The following ANK2 variants were observed in gnomAD, a reference collection of about 807,000 sequenced individuals.
ANK2 encodes ankyrin 2, also known as ankyrin-2.
ANK2 carries 83 observed loss-of-function variants against 360.5 expected under a neutral mutation model. That is an observed-to-expected ratio of 0.23 (90% CI 0.19 to 0.28). ANK2 has a LOEUF of 0.28. Ranked by LOEUF, ANK2 falls within the 10% of genes least tolerant of loss-of-function variation. ANK2 has a pLI of 1.00. For missense variants in ANK2, 4,201 were observed against 4,795.7 expected, an observed-to-expected ratio of 0.88 and a Z score of 3.66; for synonymous variants, 1,740 against 1,759.5, an observed-to-expected ratio of 0.99 and a Z score of 0.28.
At chr4:112,769,835 C>G in the ANK2 span, among the ~76,000 whole-genome samples, 1 of 152,156 alleles carries the variant, frequency 6.6e-6, no homozygotes, top group African/African-American at 2.4e-5. Flanking sequence ...TTCCTGCCTA[C>G]TGCCTGATTG....
chr4:112,936,503 A>C (rs922899322), intron 2 of ANK2, among the ~76,000 whole-genome samples: 2 of 151,678 alleles, frequency 1.3e-5, no homozygotes, highest in Non-Finnish European at 2.9e-5. Flanking sequence ...GTGCCACCAC[A>C]CCTGGCTAAT....
intron 1 of ANK2, among the ~76,000 whole-genome samples, chr4:112,875,483 CATTT>C (rs71582152): frequency 0.017 from 2,546 of 148,666 alleles, 37 homozygotes; most frequent in Middle Eastern, 0.031. Flanking sequence ...AGGCTAATTA[CATTT>C]ATTTATTTAT....
At chr4:112,960,054 T>C (rs2033898477) in intron 2 of ANK2, among the ~76,000 whole-genome samples, 1 of 152,134 alleles carries the variant, frequency 6.6e-6, no homozygotes, top group African/African-American at 2.4e-5. Flanking sequence ...ATGATAATAA[T>C]AATAATTTAT....
At chr4:112,742,869 C>G in the ANK2 span, among the ~76,000 whole-genome samples, 3 of 151,824 alleles carry the variant, frequency 2.0e-5, no homozygotes, top group African/African-American at 4.8e-5. Context: ...GGATTACAGG[C>G]ACCCGCCACC....
rs146082839 is a variant in ANK2 at position 113,285,774 on chromosome 4, T to G, written c.2080-1831T>G. Among the ~76,000 whole-genome samples the G allele has an allele frequency of 5.7e-3, 861 of 152,214 alleles. 7 individuals carry two copies. Among genetic ancestry groups the G allele is most frequent in the Non-Finnish European group, 7.5e-3 (507 of 67,988 alleles). On this transcript the variant is annotated intron_variant, in intron 18 of 45. Transcript: ENST00000357077. ...GGAGGGTCTTATGATCCACAAATGC[T>G]GGGAGGGAAGATTAGAGCCTAGCCT...
At chr4:112,865,030 TCAAAAAAA>T (rs2069846481) in intron 1 of ANK2, among the ~76,000 whole-genome samples, 1 of 37,884 alleles carries the variant, frequency 2.6e-5, no homozygotes, top group African/African-American at 1.1e-4. Flanking sequence ...AGACTCCATC[TCAAAAAAA>T]AAAAAAAAAA....
At chr4:112,708,028 A>G in the ANK2 span, among the ~76,000 whole-genome samples, 7 of 152,194 alleles carry the variant, frequency 4.6e-5, no homozygotes, top group Non-Finnish European at 7.3e-5. Flanking sequence ...TGCTGGAATT[A>G]TTGGTCCTTC....
rs542241774 is a variant in ANK2, at chr4:112,958,080, G to A, written c.21+53566G>A. ...CTCCTCACTTCCTAGATGGGATGGC[G>A]GCCGGGCAGAGACGCTCCTCACTTT... On this transcript the variant is annotated intron_variant, in intron 2 of 30. Coordinates refer to the ANK2 transcript ENST00000503271. 7.0e-3 allele frequency among the ~76,000 whole-genome samples: 1,053 copies of A among 150,950 alleles called. 12 individuals are homozygous for A. The highest frequency in any genetic ancestry group is 0.024 in the African/African-American group (978 of 41,058).
the ANK2 span, among the ~76,000 whole-genome samples, chr4:112,727,247 C>G: frequency 6.6e-6 from 1 of 151,896 alleles, no homozygotes; most frequent in African/African-American, 2.4e-5. Context: ...GATGTATAGC[C>G]TTTGGAAAGT....
the ANK2 span, among the ~76,000 whole-genome samples, chr4:112,726,232 A>T: frequency 1.3e-5 from 2 of 152,196 alleles, no homozygotes; most frequent in African/African-American, 2.4e-5. Flanking sequence ...GAGTGGTGGA[A>T]TAAGGTCTCA....
rs183068621 is a variant in ANK2 at position 112,962,064 on chromosome 4, G to T, written c.21+57550G>T. On this transcript the variant is annotated intron_variant, in intron 2 of 30. Coordinates refer to the ANK2 transcript ENST00000503271. ...ACTTTTAGAGAATGGGAATTTATTT[G>T]TTTCTATTAATTTTTGTCTTTGTTT... Among the ~76,000 whole-genome samples the T allele has an allele frequency of 4.0e-3, 601 of 152,104 alleles. 5 individuals are homozygous for T. The highest frequency in any genetic ancestry group is 5.8e-3 in the Non-Finnish European group (396 of 67,930).
chr4:112,740,745 G>T, the ANK2 span, among the ~76,000 whole-genome samples: 1 of 151,752 alleles, frequency 6.6e-6, no homozygotes, highest in East Asian at 1.9e-4. Flanking sequence ...CAGGCACAGT[G>T]GCTTACGTCC....
At chr4:113,143,118 AG>A (rs1444917806) in intron 1 of ANK2, among the ~76,000 whole-genome samples, 1 of 152,118 alleles carries the variant, frequency 6.6e-6, no homozygotes, top group Admixed American at 6.6e-5. Flanking sequence ...ATGTAATACT[AG>A]TGTGCATATT....
chr4:112,764,080 T>G, the ANK2 span, among the ~76,000 whole-genome samples: 1 of 151,692 alleles, frequency 6.6e-6, no homozygotes, highest in East Asian at 2.0e-4. Flanking sequence ...GTAGCTGGGA[T>G]TGCAGGGGCC....
intron 1 of ANK2, among the ~76,000 whole-genome samples, chr4:113,054,693 A>G (rs2068732143): frequency 6.6e-6 from 1 of 152,212 alleles, no homozygotes; most frequent in Non-Finnish European, 1.5e-5. Flanking sequence ...ATACCAACTT[A>G]TAACCCAAAA....
At chr4:113,030,539 G>GA (rs1280596325) in intron 2 of ANK2, among the ~76,000 whole-genome samples, 1 of 152,006 alleles carries the variant, frequency 6.6e-6, no homozygotes, top group African/African-American at 2.4e-5. Context: ...ATCCTATACA[G>GA]AAAAGTGTGA....
At chr4:113,060,932 G>T (rs2072991832) in intron 1 of ANK2, among the ~76,000 whole-genome samples, 1 of 151,976 alleles carries the variant, frequency 6.6e-6, no homozygotes, top group Admixed American at 6.6e-5. Flanking sequence ...ATATAAGGGG[G>T]AATTTGTTAG....
intron 4 of ANK2, among the ~76,000 whole-genome samples, chr4:113,226,168 C>T (rs1305653311): frequency 6.6e-6 from 1 of 152,094 alleles, no homozygotes; most frequent in Non-Finnish European, 1.5e-5. Context: ...TATAGTCTGG[C>T]CTCTGTTTTC....
chr4:112,765,949 A>G, the ANK2 span, among the ~76,000 whole-genome samples: 1 of 152,216 alleles, frequency 6.6e-6, no homozygotes, highest in Non-Finnish European at 1.5e-5. Context: ...AATAGTGCCT[A>G]GGTTGGGAAC....
Sources: allele counts gnomAD v4.1 joint callset (sites outside exome capture counted in the v4.1 genomes callset), GRCh38; gene constraint gnomAD v4.1.1; transcripts MANE v1.5; gene names NCBI Gene and HGNC (gene_info 2026-07-23, HGNC 2026-07-21).